The following FAM170A variants were observed in gnomAD, a reference collection of about 807,000 sequenced individuals.
FAM170A encodes the protein family with sequence similarity 170 member A.
In FAM170A, 28 loss-of-function variants were observed where a neutral mutation model predicts 36.6. That is an observed-to-expected ratio of 0.76 (90% CI 0.57 to 1.05). The LOEUF (loss-of-function observed/expected upper bound fraction) is 1.05. FAM170A is among the 50% of genes least tolerant of loss of function. The pLI, the probability that FAM170A is intolerant of heterozygous loss-of-function variation, is 0.00. For synonymous variants in FAM170A, 156 were observed against 143.9 expected, an observed-to-expected ratio of 1.08 and a Z score of -0.60; for missense variants, 434 against 396.5, an observed-to-expected ratio of 1.09 and a Z score of -0.80.
intron 4 of FAM170A, 72 bp from the exon 5 acceptor site, chr5:119,635,627 GT>G (rs1237049493): frequency 1.3e-5 from 2 of 154,860 alleles, no homozygotes; most frequent in Non-Finnish European, 2.9e-5. Context: ...AAGGTGAAGG[GT>G]AACTGACTAG....
At chr5:119,634,546 G>A in exon 3 of FAM170A, 1 of 1,613,384 alleles carries the variant, frequency 6.2e-7, no homozygotes, top group Non-Finnish European at 8.5e-7. Flanking sequence ...CCATGGCTCA[G>A]CTGACAGGCA....
At chr5:119,634,248 T>G in exon 3 of FAM170A, 3 of 1,614,214 alleles carry the variant, frequency 1.9e-6, no homozygotes, top group Non-Finnish European at 2.5e-6. Flanking sequence ...TCTGAGGTTG[T>G]GAGGGTAGGT....
chr5:119,634,176 G>C (rs1370188012), exon 3 of FAM170A: 1 of 1,614,098 alleles, frequency 6.2e-7, no homozygotes, highest in Non-Finnish European at 8.5e-7. Context: ...GCTGTCTCCT[G>C]GGAGACAGAG....
intron 1 of FAM170A, among the ~76,000 whole-genome samples, chr5:119,632,361 C>A (rs562378000): frequency 6.6e-6 from 1 of 152,146 alleles, no homozygotes; most frequent in Non-Finnish European, 1.5e-5. Context: ...ACAAGCCACA[C>A]CATACAATCA....
In FAM170A at chr5:119,630,524, G is replaced by T. The variant is rs546116235; in HGVS notation, c.70+686G>T. ...CTGAGGAGAATGTACCACCTATGCAGTAGGGAGGGGAAGACCTGGCTGTTG... is the reference window on the plus strand; with the variant it reads ...CTGAGGAGAATGTACCACCTATGCATTAGGGAGGGGAAGACCTGGCTGTTG... On this transcript the variant is annotated intron_variant, in intron 1 of 4. Transcript: ENST00000613773. Among the ~76,000 whole-genome samples the T allele has an allele frequency of 2.0e-5, 3 of 152,212 alleles. No homozygotes were observed. In the South Asian group the frequency reaches 6.2e-4, roughly 32 times the overall value.
intron 1 of FAM170A, among the ~76,000 whole-genome samples, chr5:119,631,319 G>A (rs1756246408): frequency 1.3e-5 from 2 of 152,162 alleles, no homozygotes; most frequent in South Asian, 4.1e-4. Flanking sequence ...CAGGGGGCTG[G>A]GACAGGAAGG....
chr5:119,634,506 A>T (rs1475437314), exon 3 of FAM170A: 1 of 1,613,894 alleles, frequency 6.2e-7, no homozygotes, highest in East Asian at 2.2e-5. Flanking sequence ...GGGATCAGAG[A>T]GGGCTTCAGC....
At chr5:119,629,947 A>G (rs1756205961) in intron 1 of FAM170A, 109 bp downstream of exon 1, 4 of 778,676 alleles carry the variant, frequency 5.1e-6, no homozygotes, top group Non-Finnish European at 8.5e-6. Context: ...GCTGGAGTGC[A>G]GTGGCGCGAT....
At chr5:119,634,372 C>T (rs376653030) in exon 3 of FAM170A, 248 of 1,614,048 alleles carry the variant, frequency 1.5e-4, no homozygotes, top group Non-Finnish European at 2.0e-4. Flanking sequence ...GCTCACCCAC[C>T]GTTGAGGACA....
rs191422780 is a variant in FAM170A, at chr5:119,634,298, G to A, written c.550G>A (p.Asp184Asn). ...TGTGTCCACCAGAAACCTCCTGTCT[G>A]ACAGTGAGCCCAGTGGGGAGGAGAA... The change falls in exon 3 of 5, where the codon GAC becomes AAC. Residue 184 changes from aspartate to asparagine, a missense_variant. Transcript: ENST00000613773. The A allele has an allele frequency of 2.8e-4, 454 of 1,614,170 alleles. 1 individual carries two copies. The highest frequency in any genetic ancestry group is 6.6e-4 in the Middle Eastern group (4 of 6,062).
chr5:119,630,469 C>T (rs1756225841), intron 1 of FAM170A, among the ~76,000 whole-genome samples: 1 of 152,192 alleles, frequency 6.6e-6, no homozygotes, highest in Non-Finnish European at 1.5e-5. Context: ...TCGCTCCCGG[C>T]CAGCCTGAGC....
chr5:119,631,731 AGT>A (rs145006346), intron 1 of FAM170A, among the ~76,000 whole-genome samples: 2 of 151,442 alleles, frequency 1.3e-5, no homozygotes, highest in African/African-American at 2.4e-5. Flanking sequence ...GTGTGTGGGG[AGT>A]GTGTGTGTGT....
exon 1 of FAM170A, chr5:119,629,724 G>A: frequency 6.8e-7 from 1 of 1,464,320 alleles, no homozygotes; most frequent in East Asian, 2.3e-5. Flanking sequence ...GAAAAAGTGG[G>A]AGGTGGACAT....
intron 1 of FAM170A, among the ~76,000 whole-genome samples, chr5:119,631,121 TTAA>T (rs1338283438): frequency 1.3e-5 from 2 of 152,192 alleles, no homozygotes; most frequent in Non-Finnish European, 1.5e-5. Context: ...ATGGCATGTA[TTAA>T]ATGTAAACAA....
exon 1 of FAM170A, chr5:119,629,672 T>C: frequency 1.1e-6 from 1 of 929,638 alleles, no homozygotes; most frequent in Non-Finnish European, 1.7e-6. Context: ...TACTGAATCT[T>C]TTTAATGAAT....
chr5:119,629,896 T>C (rs970098325), intron 1 of FAM170A, 58 bp downstream of exon 1: 108 of 1,377,356 alleles, frequency 7.8e-5, no homozygotes, highest in Admixed American at 3.4e-4. Flanking sequence ...TGAGCCGCCT[T>C]CTTTTTCTTT....
At chr5:119,632,479 C>G (rs533323538) in intron 1 of FAM170A, among the ~76,000 whole-genome samples, 1 of 152,358 alleles carries the variant, frequency 6.6e-6, no homozygotes, top group South Asian at 2.1e-4. Flanking sequence ...CAAATCTACA[C>G]ATATCAAAGG....
chr5:119,632,881 C>T (rs1316219603), exon 2 of FAM170A: 1 of 1,605,192 alleles, frequency 6.2e-7, no homozygotes, highest in Non-Finnish European at 8.5e-7. Context: ...GCAAGCTCAT[C>T]CACAGTGGTA....
rs575911655 is a variant in FAM170A at position 119,632,868 on chromosome 5, C to G, written c.191C>G (p.Ser64Ter). 1.4e-4 allele frequency: 233 copies of G among 1,609,420 alleles called. 2 individuals are homozygous for G. The South Asian group carries it at 2.5e-3, about 17-fold the overall frequency. Residue 64 changes from serine to a stop codon, truncating the protein, a stop_gained, in exon 2 of 5, where the codon TCA becomes TGA. Transcript: ENST00000613773. LOFTEE classifies it high-confidence loss of function. ...GAATACTGCTCCTGCGTTTCTTCTTCACGCAAGCTCATCCACAGTGGTAAG... is the reference window on the plus strand; with the variant it reads ...GAATACTGCTCCTGCGTTTCTTCTTGACGCAAGCTCATCCACAGTGGTAAG...
Sources: gnomAD v4.1 joint callset for allele counts (sites outside exome capture counted in the v4.1 genomes callset) on GRCh38, gnomAD v4.1.1 for gene constraint, MANE v1.5 for transcripts, NCBI Gene and HGNC (gene_info 2026-07-23, HGNC 2026-07-21) for gene names.